SUV39H1: variants seen among roughly 807,000 people sequenced by gnomAD.
SUV39H1 encodes the protein SUV39H1 histone lysine methyltransferase.
For missense variants in SUV39H1, 180 were observed against 386.3 expected, an observed-to-expected ratio of 0.47 and a Z score of 4.48; for synonymous variants, 141 against 150.5, an observed-to-expected ratio of 0.94 and a Z score of 0.46.
rs781799336 is a variant in SUV39H1 at position 48,696,812 on chromosome X, G to A, written c.19+9G>A. The A allele has an allele frequency of 1.7e-5, 19 of 1,126,525 alleles. No homozygotes were observed. The African/African-American group carries it at 3.4e-4, about 20-fold the overall frequency. The allele number at this position is 1,126,525 out of a possible 1,213,427, so 92.8% of individuals were successfully genotyped here. The stretch of plus-strand genomic sequence containing the variant: ...GGCGGAAAATTTAAAAGGTGAAGCA[G>A]TGGAGGCAGAGGCGCGGGCCCGCTG... On this transcript the variant is annotated intron_variant, in intron 1 of 5. Transcript: ENST00000376687.
intron 5 of SUV39H1, among the ~76,000 whole-genome samples, 175 bp from the exon 6 acceptor site, chrX:48,707,262 C>G (rs1280525178): frequency 1.8e-5 from 2 of 110,877 alleles, no homozygotes; most frequent in Non-Finnish European, 3.8e-5. Flanking sequence ...ACTCAAATCC[C>G]AGAGTTGCTC....
upstream of SUV39H1, chrX:48,696,602 G>A: frequency 2.0e-6 from 1 of 507,090 alleles, no homozygotes; most frequent in Non-Finnish European, 2.9e-6. Flanking sequence ...AGCGCGGCGA[G>A]CACCCGCCTC....
chrX:48,703,407 C>T (rs1483262529), intron 3 of SUV39H1, among the ~76,000 whole-genome samples: 2 of 111,388 alleles, frequency 1.8e-5, no homozygotes, highest in Non-Finnish European at 3.8e-5. Flanking sequence ...ATCTACTGTC[C>T]TTCTTCAGCT....
chrX:48,698,010 CAG>C (rs782368807), intron 1 of SUV39H1, among the ~76,000 whole-genome samples: 1 of 112,245 alleles, frequency 8.9e-6, no homozygotes, highest in Non-Finnish European at 1.9e-5. Context: ...ATGGATGAGA[CAG>C]AAAGTCAAAA....
intron 3 of SUV39H1, among the ~76,000 whole-genome samples, chrX:48,701,283 G>A (rs1327175066): frequency 8.9e-6 from 1 of 112,281 alleles, no homozygotes; most frequent in East Asian, 2.8e-4. Context: ...GAGTGTATTA[G>A]GCAAGCCAGC....
Position 48,696,768 on chromosome X carries a change from G to C in SUV39H1, c.-17G>C. 8.8e-7 allele frequency: 1 copy of C among 1,140,630 alleles called. No individual in the cohort carries two copies. Among genetic ancestry groups the C allele is most frequent in the Admixed American group, 2.9e-5 (1 of 34,205 alleles). 94.0% of individuals were successfully genotyped at this position (1,140,630 alleles called of 1,213,427 possible). On this transcript the variant is annotated 5_prime_UTR_variant, in exon 1 of 6. Coordinates refer to ENST00000376687, the MANE Select transcript of SUV39H1 (RefSeq NM_003173.4). ...GCGAGGCCGGCTAGGCCCGAATGTC[G>C]TTAGCCGTGGGGAAAGATGGCGGAA...
intron 3 of SUV39H1, chrX:48,705,178 C>G (rs2147275861): frequency 8.9e-6 from 1 of 112,218 alleles, no homozygotes; most frequent in East Asian, 2.8e-4. Flanking sequence ...AGGAAGGAAG[C>G]CCGAGAGGGG....
At chrX:48,695,739 C>T (rs1437763788), upstream of SUV39H1, 145 of 1,148,311 alleles carry the variant, frequency 1.3e-4, no homozygotes, top group Non-Finnish European at 1.5e-4. Flanking sequence ...AGCTGTCTGA[C>T]TCGATGGCTG....
chrX:48,707,384 C>T, intron 5 of SUV39H1, 53 bp from the exon 6 acceptor site: 1 of 1,136,643 alleles, frequency 8.8e-7, no homozygotes, highest in Non-Finnish European at 1.2e-6. Context: ...CCTCCTTCTC[C>T]CCCTCCCTCC....
At chrX:48,696,447 G>A (rs1401272016), upstream of SUV39H1, 4 of 223,871 alleles carry the variant, frequency 1.8e-5, no homozygotes, top group African/African-American at 9.0e-5. Context: ...GAGTATGACA[G>A]GACTGAGGAA....
chrX:48,697,427 G>T (rs930626567), intron 1 of SUV39H1, among the ~76,000 whole-genome samples: 3 of 111,876 alleles, frequency 2.7e-5, no homozygotes, highest in African/African-American at 9.8e-5. Flanking sequence ...TCCACAAGTG[G>T]GAGGACCTCT....
chrX:48,702,820 C>T (rs2062479212), intron 3 of SUV39H1, among the ~76,000 whole-genome samples: 1 of 111,395 alleles, frequency 9.0e-6, no homozygotes, highest in Non-Finnish European at 1.9e-5. Context: ...ATTTCCTGAC[C>T]GCCCTCCAGC....
In SUV39H1 at chrX:48,700,201, C is replaced by T; in HGVS notation, c.276C>T (p.Asp92=). ...CVRILKQFHK[D]LERELLRRHH... ...GTATCCTCAAGCAGTTCCACAAGGA[C>T]TTAGAAAGGGAGCTGCTCCGGCGGC... Residue 92 remains aspartate, a synonymous_variant, in exon 3 of 6, where the codon GAC becomes GAT. Coordinates refer to ENST00000376687, the MANE Select transcript of SUV39H1 (RefSeq NM_003173.4). 8.3e-7 allele frequency: 1 copy of T among 1,203,697 alleles called. No homozygotes were observed. Among genetic ancestry groups the T allele is most frequent in the African/African-American group, 1.7e-5 (1 of 57,663 alleles).
At chrX:48,695,651 T>A, upstream of SUV39H1, 1 of 1,108,993 alleles carries the variant, frequency 9.0e-7, no homozygotes, top group Non-Finnish European at 1.2e-6. Flanking sequence ...GTCAGTCGGA[T>A]GCTGAGAATG....
At chrX:48,696,995 G>C (rs1275436737) in intron 1 of SUV39H1, among the ~76,000 whole-genome samples, 192 bp downstream of exon 1, 1 of 108,422 alleles carries the variant, frequency 9.2e-6, no homozygotes, top group Non-Finnish European at 1.9e-5. Flanking sequence ...GAGGGGGCGC[G>C]CGCCTCGGAA....
intron 1 of SUV39H1, among the ~76,000 whole-genome samples, chrX:48,697,012 G>A (rs1236422363): frequency 2.7e-5 from 3 of 109,110 alleles, no homozygotes; most frequent in Non-Finnish European, 5.8e-5. Context: ...GGAACGCAGC[G>A]GGCCTGGGGC....
rs186374599 is a variant in SUV39H1 at position 48,702,223 on chromosome X, G to A, written c.828+1470G>A. On this transcript the variant is annotated intron_variant, in intron 3 of 5. Coordinates refer to ENST00000376687, the MANE Select transcript of SUV39H1 (RefSeq NM_003173.4). ...ACCCTGAGGGCTCCTGACAGTGGGC[G>A]GGGGAAGGAGTCCTGATAATCTGCA... Among the ~76,000 whole-genome samples, 21 of 112,389 alleles carry A rather than the reference G, an allele frequency of 1.9e-4. No homozygotes were observed. The East Asian group carries it at 4.8e-3, about 25-fold the overall frequency.
chrX:48,704,351 C>T (rs1377618307), intron 3 of SUV39H1, among the ~76,000 whole-genome samples: 2 of 111,507 alleles, frequency 1.8e-5, no homozygotes, highest in African/African-American at 6.5e-5. Context: ...GATGTGGGCA[C>T]TCCTCCTGGC....
intron 5 of SUV39H1, among the ~76,000 whole-genome samples, chrX:48,706,905 A>T (rs782190827): frequency 9.1e-6 from 1 of 109,819 alleles, no homozygotes; most frequent in East Asian, 2.9e-4. Context: ...TCCAGTCTTG[A>T]CTGAGTTTCC....
Sources: gnomAD v4.1 joint callset for allele counts (sites outside exome capture counted in the v4.1 genomes callset) on GRCh38, gnomAD v4.1.1 for gene constraint, MANE v1.5 for transcripts, NCBI Gene and HGNC (gene_info 2026-07-23, HGNC 2026-07-21) for gene names.